The following LSAMP variants were observed in gnomAD, a reference collection of about 807,000 sequenced individuals.
The protein encoded by LSAMP is limbic system-associated membrane protein.
LSAMP carries 7 observed loss-of-function variants against 38.6 expected under a neutral mutation model. That is an observed-to-expected ratio of 0.18 (90% CI 0.10 to 0.34). LSAMP has a LOEUF of 0.34. Among genes scored for constraint, LSAMP ranks in the 10% least tolerant of loss-of-function variants. The pLI, the probability that LSAMP is intolerant of heterozygous loss-of-function variation, is 1.00. For synonymous variants in LSAMP, 154 were observed against 166.8 expected, an observed-to-expected ratio of 0.92 and a Z score of 0.59; for missense variants, 313 against 420.0, an observed-to-expected ratio of 0.75 and a Z score of 2.23.
intron 3 of LSAMP, among the ~76,000 whole-genome samples, chr3:115,879,446 A>G (rs1025481912): frequency 6.6e-6 from 1 of 152,186 alleles, no homozygotes; most frequent in African/African-American, 2.4e-5. Context: ...ACTGACTAAT[A>G]TGGGTTTTAT....
At chr3:116,068,872 T>A (rs952346270) in intron 2 of LSAMP, among the ~76,000 whole-genome samples, 7 of 152,178 alleles carry the variant, frequency 4.6e-5, no homozygotes, top group Non-Finnish European at 7.3e-5. Flanking sequence ...GGAAATAAGG[T>A]GTGTAATGAA....
Position 116,423,887 on chromosome 3 carries a change from GAGA to G in LSAMP, c.155+20987_155+20989del, listed in dbSNP as rs375166376. Among the ~76,000 whole-genome samples the G allele has an allele frequency of 2.1e-3, 325 of 152,244 alleles. 1 individual carries two copies. Among genetic ancestry groups the G allele is most frequent in the African/African-American group, 7.3e-3 (302 of 41,544 alleles). The stretch of plus-strand genomic sequence containing the variant: ...AGATTCATAAATAATACTGCACAAA[GAGA>G]AGAAGAACACAGCAAGATCAAAAAG... On this transcript the variant is annotated intron_variant, in intron 1 of 6. Transcript: ENST00000490035.
chr3:116,113,349 G>A (rs151316663), intron 1 of LSAMP, among the ~76,000 whole-genome samples: 2,093 of 147,854 alleles, frequency 0.014, 29 homozygotes, highest in Non-Finnish European at 0.024. Context: ...TGAGGGGATA[G>A]GCAAATGATG....
At chr3:116,217,026 G>T (rs2046228237) in intron 1 of LSAMP, among the ~76,000 whole-genome samples, 1 of 152,104 alleles carries the variant, frequency 6.6e-6, no homozygotes, top group Admixed American at 6.5e-5. Context: ...TCTTGACATT[G>T]GAAATATCAC....
At chr3:116,415,858 G>A (rs1458856499) in intron 1 of LSAMP, among the ~76,000 whole-genome samples, 2 of 152,102 alleles carry the variant, frequency 1.3e-5, no homozygotes, top group African/African-American at 4.8e-5. Context: ...GCTGCCAAGG[G>A]GAAGGCCAGC....
chr3:116,055,285 C>T (rs1941470716), intron 2 of LSAMP, among the ~76,000 whole-genome samples: 1 of 152,142 alleles, frequency 6.6e-6, no homozygotes. Flanking sequence ...CACAGTGGTA[C>T]ACTAGGGATA....
In LSAMP at chr3:115,804,097, A is replaced by C; in HGVS notation, c.*6220T>G. ...GAATGTGTCCCTTCTCTACACTGCTATAAAGTTTTGATCAGAAAAAATTTA... is the reference window on the plus strand; with the variant it reads ...GAATGTGTCCCTTCTCTACACTGCTCTAAAGTTTTGATCAGAAAAAATTTA... On this transcript the variant is annotated 3_prime_UTR_variant, in exon 7 of 7. Coordinates refer to ENST00000490035, the MANE Select transcript of LSAMP (RefSeq NM_002338.5). 6.6e-6 allele frequency: 1 copy of C among 152,328 alleles called. No homozygotes were observed. The highest frequency in any genetic ancestry group is 1.5e-5 in the Non-Finnish European group (1 of 68,024). 9.4% of individuals were successfully genotyped at this position (152,328 alleles called of 1,614,324 possible). A position where few individuals can be genotyped will look rare whatever the true frequency, so the allele number is the denominator to read the frequency against.
intron 1 of LSAMP, among the ~76,000 whole-genome samples, chr3:116,182,259 A>C (rs771882045): frequency 4.0e-5 from 6 of 151,774 alleles, no homozygotes; most frequent in Non-Finnish European, 7.4e-5. Flanking sequence ...GTTATTCCTA[A>C]GGTTCTTTTC....
At chr3:116,230,245 TGATA>T (rs1017753323) in intron 1 of LSAMP, among the ~76,000 whole-genome samples, 109 of 152,254 alleles carry the variant, frequency 7.2e-4, no homozygotes, top group African/African-American at 2.5e-3. Context: ...TTTTTGTCTT[TGATA>T]GATTAGTACA....
chr3:115,948,889 T>C (rs1465317913), intron 3 of LSAMP, among the ~76,000 whole-genome samples: 2 of 152,104 alleles, frequency 1.3e-5, no homozygotes, highest in Non-Finnish European at 2.9e-5. Flanking sequence ...TCCCAGGACT[T>C]TGGGAGGCTG....
chr3:116,040,759 T>G (rs1349589737), intron 2 of LSAMP, among the ~76,000 whole-genome samples: 7 of 152,188 alleles, frequency 4.6e-5, no homozygotes, highest in Non-Finnish European at 8.8e-5. Flanking sequence ...TTCCTTTTTT[T>G]TCTTTTAAGA....
At chr3:115,951,915 A>G (rs974535862) in intron 3 of LSAMP, among the ~76,000 whole-genome samples, 6 of 152,152 alleles carry the variant, frequency 3.9e-5, no homozygotes, top group Non-Finnish European at 5.9e-5. Flanking sequence ...AAGGACATGA[A>G]TAGACAATTC....
intron 3 of LSAMP, among the ~76,000 whole-genome samples, chr3:115,991,103 A>G (rs896740673): frequency 9.9e-5 from 15 of 152,100 alleles, no homozygotes; most frequent in African/African-American, 2.7e-4. Flanking sequence ...TCACTTTAAA[A>G]AAGTATTTTG....
At chr3:115,939,147 G>T (rs1483633977) in intron 3 of LSAMP, among the ~76,000 whole-genome samples, 1 of 152,010 alleles carries the variant, frequency 6.6e-6, no homozygotes, top group East Asian at 1.9e-4. Flanking sequence ...GAGTAGAAAA[G>T]TCCAACTAAT....
intron 1 of LSAMP, among the ~76,000 whole-genome samples, chr3:116,118,397 A>G (rs1459529918): frequency 6.6e-6 from 1 of 151,994 alleles, no homozygotes; most frequent in East Asian, 1.9e-4. Context: ...TTTTCCCATT[A>G]CTGGCTTACG....
intron 1 of LSAMP, among the ~76,000 whole-genome samples, chr3:116,421,241 C>T (rs1025732736): frequency 5.9e-5 from 9 of 152,138 alleles, no homozygotes; most frequent in African/African-American, 1.9e-4. Flanking sequence ...TAAGCCATAT[C>T]CTGAAAGATA....
At chr3:116,349,752 C>T (rs16824799) in intron 1 of LSAMP, among the ~76,000 whole-genome samples, 9,472 of 151,908 alleles carry the variant, frequency 0.062, 402 homozygotes, top group African/African-American at 0.12. Context: ...TAGTCACACG[C>T]CTGGGATTTC....
intron 1 of LSAMP, among the ~76,000 whole-genome samples, chr3:116,367,073 C>A (rs2048364547): frequency 6.6e-6 from 1 of 152,136 alleles, no homozygotes; most frequent in Non-Finnish European, 1.5e-5. Context: ...CTTGACCAAA[C>A]AGATTAACAA....
intron 1 of LSAMP, among the ~76,000 whole-genome samples, chr3:116,404,683 A>G (rs1266825071): frequency 6.6e-6 from 1 of 152,184 alleles, no homozygotes; most frequent in Non-Finnish European, 1.5e-5. Flanking sequence ...TAATTTAATA[A>G]AACAGATGGC....
Sources: allele counts gnomAD v4.1 joint callset (sites outside exome capture counted in the v4.1 genomes callset), GRCh38; gene constraint gnomAD v4.1.1; transcripts MANE v1.5; gene names NCBI Gene and HGNC (gene_info 2026-07-23, HGNC 2026-07-21).